The following ATXN10 variants were observed in gnomAD, a reference collection of about 807,000 sequenced individuals.
ATXN10 encodes the protein ataxin 10, also known as ataxin-10.
In ATXN10, 28 loss-of-function variants were observed where a neutral mutation model predicts 52.9. The observed-to-expected ratio is 0.53, with a 90% CI of 0.39 to 0.73. ATXN10 has a LOEUF of 0.73. ATXN10 is among the 30% of genes least tolerant of loss of function. ATXN10 has a pLI of 0.00. For missense variants in ATXN10, 565 were observed against 577.0 expected, an observed-to-expected ratio of 0.98 and a Z score of 0.21; for synonymous variants, 226 against 221.5, an observed-to-expected ratio of 1.02 and a Z score of -0.18.
chr22:45,753,257 T>C (rs991106280), intron 9 of ATXN10, among the ~76,000 whole-genome samples: 2 of 151,656 alleles, frequency 1.3e-5, no homozygotes, highest in African/African-American at 4.8e-5. Flanking sequence ...CTCATCTTCT[T>C]AGGAGAAACC....
chr22:45,804,587 A>G (rs1307480944), intron 9 of ATXN10, among the ~76,000 whole-genome samples: 5 of 152,212 alleles, frequency 3.3e-5, no homozygotes, highest in Admixed American at 6.5e-5. Context: ...AAACACTTCT[A>G]TGCGGTTCTG....
rs1206814267 is a variant in ATXN10 at position 45,825,014 on chromosome 22, G to C, written c.1238-17977G>C. Among the ~76,000 whole-genome samples, 1 of 152,224 alleles carries C rather than the reference G, an allele frequency of 6.6e-6. No homozygotes were observed. Among genetic ancestry groups the C allele is most frequent in the Non-Finnish European group, 1.5e-5 (1 of 68,036 alleles). The stretch of plus-strand genomic sequence containing the variant: ...GTGGAGTTAACTTCTGTCAATTTCA[G>C]CTCTAGCTCAGTAGCAGCTATTCCT... On this transcript the variant is annotated intron_variant, in intron 10 of 11. Transcript: ENST00000252934. The surrounding 1 kb of genome is among the most constrained non-coding windows in gnomAD (Gnocchi z 4.5).
rs201385485 is a variant in ATXN10 at position 45,843,158 on chromosome 22, A to T, written c.1405A>T (p.Thr469Ser). ...KKGEKLILKS[T>S]RDTPKP ...AGGCGAAAAGCTGATCCTGAAATCTACTAGAGACACCCCTAAGCCAGTAAG... is the reference window on the plus strand; with the variant it reads ...AGGCGAAAAGCTGATCCTGAAATCTTCTAGAGACACCCCTAAGCCAGTAAG... The change falls in exon 11 of 12, where the codon ACT becomes TCT. Residue 469 changes from threonine to serine, a missense_variant. Physicochemically the swap from Thr to Ser is moderately conservative, Grantham distance 58. Transcript: ENST00000252934. This position sits in a 1 kb window ranked among gnomAD's most constrained non-coding sequence, Gnocchi z 4.5. 1.9e-6 allele frequency: 3 copies of T among 1,613,974 alleles called. No homozygotes were observed. The highest frequency in any genetic ancestry group is 2.5e-6 in the Non-Finnish European group (3 of 1,179,852).
chr22:45,840,434 T>TA lies in ATXN10; in HGVS notation c.1238-2556dup, dbSNP rs1384325431. Among the ~76,000 whole-genome samples the TA allele has an allele frequency of 1.3e-5, 2 of 152,188 alleles. No individual in the cohort carries two copies. The highest frequency in any genetic ancestry group is 2.9e-5 in the Non-Finnish European group (2 of 68,038). On this transcript the variant is annotated intron_variant, in intron 10 of 11. Coordinates refer to ENST00000252934, the MANE Select transcript of ATXN10 (RefSeq NM_013236.4). This position sits in a 1 kb window ranked among gnomAD's most constrained non-coding sequence, Gnocchi z 5.8. ...AGGGAAGGCTTCCGGGAGACTGTGA[T>TA]ACTTGCTGAGTCTCGAAGGCTAAGT...
At chr22:45,735,644 A>G (rs1290881756) in intron 7 of ATXN10, among the ~76,000 whole-genome samples, 2 of 152,204 alleles carry the variant, frequency 1.3e-5, no homozygotes, top group African/African-American at 2.4e-5. Flanking sequence ...TTTAATGGAC[A>G]GGAATAATTC....
intron 5 of ATXN10, among the ~76,000 whole-genome samples, chr22:45,710,418 A>G (rs563398055): frequency 7.4e-4 from 113 of 152,156 alleles, no homozygotes; most frequent in African/African-American, 2.6e-3. Context: ...CCAGCACTTT[A>G]TGTTCAGTAG....
At chr22:45,796,175 T>G (rs950244978) in intron 9 of ATXN10, among the ~76,000 whole-genome samples, 3 of 152,232 alleles carry the variant, frequency 2.0e-5, no homozygotes, top group Non-Finnish European at 4.4e-5. Flanking sequence ...GGAGTGTCTG[T>G]CTTATGCAGT....
At chr22:45,702,297 G>T (rs1041972365) in intron 4 of ATXN10, among the ~76,000 whole-genome samples, 4 of 152,170 alleles carry the variant, frequency 2.6e-5, no homozygotes, top group Admixed American at 2.6e-4. Context: ...CATCTCTCCT[G>T]TAGGCATCTT....
chr22:45,689,624 A>C, intron 1 of ATXN10, 88 bp from the exon 2 acceptor site: 1 of 1,172,204 alleles, frequency 8.5e-7, no homozygotes, highest in South Asian at 1.2e-5. Context: ...ACCTCCCCAC[A>C]ATAGTAGATA....
At chr22:45,700,494 A>G (rs1569028183) in intron 4 of ATXN10, 116 bp downstream of exon 4, 1 of 825,814 alleles carries the variant, frequency 1.2e-6, no homozygotes, top group African/African-American at 1.7e-5. Context: ...AGTTCAGGAT[A>G]GTAGTTGTTC....
At position 45,690,746 on chromosome 22, in the gene ATXN10, C is replaced by T. The variant is rs770253690; in HGVS notation, c.308+843C>T. Among the ~76,000 whole-genome samples, 45 of 152,288 alleles carry T rather than the reference C, an allele frequency of 3.0e-4. No individual in the cohort carries two copies. The highest frequency in any genetic ancestry group is 4.1e-4 in the Non-Finnish European group (28 of 68,028). On this transcript the variant is annotated intron_variant, in intron 2 of 11. Coordinates refer to ENST00000252934, the MANE Select transcript of ATXN10 (RefSeq NM_013236.4). This position sits in a 1 kb window ranked among gnomAD's most constrained non-coding sequence, Gnocchi z 4.5. ...TAAAAGTAGTTAAAACATGAGCAGG[C>T]GAGCTGTCCAGTGCTCTTCTTTGCT...
chr22:45,764,692 G>A (rs569458011), intron 9 of ATXN10, among the ~76,000 whole-genome samples: 2 of 152,152 alleles, frequency 1.3e-5, no homozygotes, highest in Non-Finnish European at 2.9e-5. Flanking sequence ...TATTCAGAAC[G>A]GTGTAAAATG....
At chr22:45,680,091 A>G (rs903378505) in intron 1 of ATXN10, 1 of 152,222 alleles carries the variant, frequency 6.6e-6, no homozygotes, top group Non-Finnish European at 1.5e-5. Context: ...CTGTGGGACT[A>G]CCAGTAGGGT....
In ATXN10 at chr22:45,770,629, C is replaced by A. The variant is rs1033396989; in HGVS notation, c.1173+30091C>A. The stretch of plus-strand genomic sequence containing the variant: ...CTGAGGGCTTCACAGAGAGCCACGT[C>A]CACATATGCGAGAGCCACTGATGGT... On this transcript the variant is annotated intron_variant, in intron 9 of 11. Coordinates refer to ENST00000252934, the MANE Select transcript of ATXN10 (RefSeq NM_013236.4). The surrounding 1 kb of genome is among the most constrained non-coding windows in gnomAD (Gnocchi z 4.5). Among the ~76,000 whole-genome samples the A allele has an allele frequency of 1.3e-5, 2 of 152,214 alleles. No homozygotes were observed. The highest frequency in any genetic ancestry group is 2.9e-5 in the Non-Finnish European group (2 of 68,032).
chr22:45,808,964 T>A (rs1468913150), intron 10 of ATXN10, among the ~76,000 whole-genome samples: 1 of 152,250 alleles, frequency 6.6e-6, no homozygotes, highest in Non-Finnish European at 1.5e-5. Flanking sequence ...TTTAGTGTTA[T>A]GTGTATTCAG....
chr22:45,726,082 A>G lies in ATXN10; in HGVS notation c.729-3343A>G, dbSNP rs138764025. Among the ~76,000 whole-genome samples the G allele has an allele frequency of 4.4e-3, 665 of 152,136 alleles. 1 individual carries two copies. The highest frequency in any genetic ancestry group is 7.5e-3 in the Non-Finnish European group (508 of 67,998). On this transcript the variant is annotated intron_variant, in intron 6 of 11. Transcript: ENST00000252934. The stretch of plus-strand genomic sequence containing the variant: ...ATTTTGTTGAGGATTTTTGCATCTG[A>G]TGTTCATCAGGGATATTGGTCTGTG...
At chr22:45,808,699 A>T (rs1601659703) in intron 10 of ATXN10, among the ~76,000 whole-genome samples, 1 of 152,340 alleles carries the variant, frequency 6.6e-6, no homozygotes, top group African/African-American at 2.4e-5. Flanking sequence ...GATTTTATAC[A>T]TGTGAGTGCC....
At chr22:45,741,571 AG>A (rs1196738821) in intron 9 of ATXN10, among the ~76,000 whole-genome samples, 3 of 152,184 alleles carry the variant, frequency 2.0e-5, no homozygotes, top group Admixed American at 2.0e-4. Flanking sequence ...TCTTGGGAGT[AG>A]ATCCATCCTC....
rs1307795453 is a variant in ATXN10 at position 45,678,107 on chromosome 22, A to G, written c.116+5928A>G. ...AATTGGGAGTTACTGCTTCATGTTT[A>G]CAGAGTTTCTATTTGGGTGTTAAAA... On this transcript the variant is annotated intron_variant, in intron 1 of 11. Transcript: ENST00000252934. The surrounding 1 kb of genome is among the most constrained non-coding windows in gnomAD (Gnocchi z 4.1). 1 of 152,182 alleles carries G rather than the reference A, an allele frequency of 6.6e-6. No individual in the cohort carries two copies. The highest frequency in any genetic ancestry group is 1.5e-5 in the Non-Finnish European group (1 of 68,030). 9.4% of individuals were successfully genotyped at this position (152,182 alleles called of 1,614,324 possible). A position where few individuals can be genotyped will look rare whatever the true frequency, so the allele number is the denominator to read the frequency against.
Sources: gnomAD v4.1 joint callset for allele counts (sites outside exome capture counted in the v4.1 genomes callset) on GRCh38, gnomAD v4.1.1 for gene constraint, Gnocchi (gnomAD v3.1) non-coding constraint, MANE v1.5 for transcripts, NCBI Gene and HGNC (gene_info 2026-07-23, HGNC 2026-07-21) for gene names.